MDGA2: variants seen among roughly 807,000 people sequenced by gnomAD.
MDGA2 encodes MAM domain-containing glycosylphosphatidylinositol anchor protein 2.
MDGA2 carries 40 observed loss-of-function variants against 117.8 expected under a neutral mutation model. The observed-to-expected ratio is 0.34, with a 90% confidence interval of 0.26 to 0.44. The LOEUF (loss-of-function observed/expected upper bound fraction) is 0.44. Among genes scored for constraint, MDGA2 ranks in the 20% least tolerant of loss-of-function variants. MDGA2 has a pLI of 1.00. For missense variants in MDGA2, 1,123 were observed against 1,250.6 expected, an observed-to-expected ratio of 0.90 and a Z score of 1.54; for synonymous variants, 452 against 439.0, an observed-to-expected ratio of 1.03 and a Z score of -0.37.
intron 14 of MDGA2, among the ~76,000 whole-genome samples, chr14:46,870,549 G>A (rs1181633729): frequency 1.3e-5 from 2 of 151,926 alleles, no homozygotes; most frequent in African/African-American, 4.8e-5. Flanking sequence ...GTCTGGACCA[G>A]GTATTTTTGC....
At chr14:47,260,641 A>T (rs566330753) in intron 2 of MDGA2, among the ~76,000 whole-genome samples, 2 of 152,184 alleles carry the variant, frequency 1.3e-5, no homozygotes, top group East Asian at 3.9e-4. Flanking sequence ...GAAAAAATAC[A>T]ATTTTTGTCT....
At chr14:46,953,645 A>G (rs1296317793) in intron 9 of MDGA2, among the ~76,000 whole-genome samples, 2 of 152,028 alleles carry the variant, frequency 1.3e-5, no homozygotes, top group Admixed American at 1.3e-4. Context: ...TGACTTGTCA[A>G]GAAATATTAG....
At chr14:46,975,940 T>C (rs907697382) in intron 8 of MDGA2, among the ~76,000 whole-genome samples, 9 of 152,126 alleles carry the variant, frequency 5.9e-5, no homozygotes, top group Admixed American at 3.9e-4. Flanking sequence ...TTTACAGCTC[T>C]GACCTCATGA....
intron 6 of MDGA2, among the ~76,000 whole-genome samples, chr14:47,093,478 T>C (rs1016027605): frequency 4.6e-5 from 7 of 152,202 alleles, no homozygotes; most frequent in Middle Eastern, 3.4e-3. Flanking sequence ...TTGGAAAGCA[T>C]TGAGCTCAGG....
intron 1 of MDGA2, among the ~76,000 whole-genome samples, chr14:47,400,816 G>A (rs1892125060): frequency 2.6e-5 from 1 of 38,736 alleles, no homozygotes; most frequent in Non-Finnish European, 5.1e-5. Context: ...GAGTGCAATG[G>A]CAAGATCTCG....
At chr14:47,669,316 T>G (rs991727213) in intron 1 of MDGA2, among the ~76,000 whole-genome samples, 1 of 152,204 alleles carries the variant, frequency 6.6e-6, no homozygotes, top group African/African-American at 2.4e-5. Flanking sequence ...TGGAATTACT[T>G]TTGTGACATC....
intron 1 of MDGA2, among the ~76,000 whole-genome samples, chr14:47,632,804 CCTT>C (rs1334258227): frequency 1.3e-5 from 2 of 151,734 alleles, no homozygotes; most frequent in East Asian, 3.9e-4. Flanking sequence ...ACCTCTCTCT[CCTT>C]CTGATTAACA....
intron 1 of MDGA2, among the ~76,000 whole-genome samples, chr14:47,561,141 G>GTTTGTTT (rs1555332241): frequency 1.9e-5 from 1 of 52,146 alleles, no homozygotes; most frequent in African/African-American, 5.5e-5. Context: ...CTCTATCTTT[G>GTTTGTTT]TTTTTTTTTT....
At chr14:47,380,580 A>G (rs1891596267) in intron 1 of MDGA2, among the ~76,000 whole-genome samples, 1 of 152,152 alleles carries the variant, frequency 6.6e-6, no homozygotes, top group Non-Finnish European at 1.5e-5. Context: ...AGAGAATACT[A>G]CAAACACCTC....
Position 47,448,667 on chromosome 14 carries a change from G to C in MDGA2, c.281-147117C>G, listed in dbSNP as rs181172271. On this transcript the variant is annotated intron_variant, in intron 1 of 16. Coordinates refer to ENST00000399232, the MANE Select transcript of MDGA2 (RefSeq NM_001113498.3). ...TCTTCAAAGCGCTCTTCATTTGTATGCTTTATAAAACAGTAATAGTAAATA... is the reference window on the plus strand; with the variant it reads ...TCTTCAAAGCGCTCTTCATTTGTATCCTTTATAAAACAGTAATAGTAAATA... Among the ~76,000 whole-genome samples, 3 of 152,230 alleles carry C rather than the reference G, an allele frequency of 2.0e-5. No homozygotes were observed. In the East Asian group the frequency reaches 5.8e-4, roughly 30 times the overall value.
At position 47,468,210 on chromosome 14, in the gene MDGA2, G is replaced by A. The variant is rs112326053; in HGVS notation, c.281-166660C>T. Among the ~76,000 whole-genome samples the A allele has an allele frequency of 3.9e-5, 6 of 152,054 alleles. No individual in the cohort carries two copies. In the East Asian group the frequency reaches 9.6e-4, roughly 24 times the overall value. ...CTTAGGATAGCCTCAAACCAACTTC[G>A]TGAGCCCTTTTCCAGTTATCTAAGG... On this transcript the variant is annotated intron_variant, in intron 1 of 16. Coordinates refer to ENST00000399232, the MANE Select transcript of MDGA2 (RefSeq NM_001113498.3).
intron 1 of MDGA2, among the ~76,000 whole-genome samples, chr14:47,533,398 T>C (rs1242859159): frequency 6.6e-6 from 1 of 152,202 alleles, no homozygotes; most frequent in Non-Finnish European, 1.5e-5. Context: ...AGCTGATTCT[T>C]AGTATATATG....
chr14:46,923,669 G>A (rs988855166), intron 9 of MDGA2, among the ~76,000 whole-genome samples: 6 of 135,478 alleles, frequency 4.4e-5, no homozygotes, highest in Non-Finnish European at 8.1e-5. Flanking sequence ...AGCCTACTGT[G>A]GAAAAGCTTT....
chr14:47,341,115 T>G (rs568433298), intron 1 of MDGA2, among the ~76,000 whole-genome samples: 1 of 152,322 alleles, frequency 6.6e-6, no homozygotes, highest in South Asian at 2.1e-4. Context: ...TCATCTGCTA[T>G]CTTATAATGT....
At chr14:47,644,616 G>A (rs1194842394) in intron 1 of MDGA2, among the ~76,000 whole-genome samples, 1 of 151,864 alleles carries the variant, frequency 6.6e-6, no homozygotes, top group African/African-American at 2.4e-5. Flanking sequence ...GTTAAGATAG[G>A]AGAAATAAAT....
In MDGA2 at chr14:47,643,617, C is replaced by T. The variant is rs376312749; in HGVS notation, c.280+30900G>A. Among the ~76,000 whole-genome samples, 52 of 152,234 alleles carry T rather than the reference C, an allele frequency of 3.4e-4. No individual in the cohort carries two copies. In the East Asian group the frequency reaches 6.0e-3, roughly 17 times the overall value. On this transcript the variant is annotated intron_variant, in intron 1 of 16. Transcript: ENST00000399232. Reference sequence around the variant, plus strand: ...AAAGCAAAGAGGCACCAAATGTTAACGTACCTAACAGTTCTTAATCTCTTC... The same window carrying T: ...AAAGCAAAGAGGCACCAAATGTTAATGTACCTAACAGTTCTTAATCTCTTC...
At chr14:47,411,145 T>C (rs1012562739) in intron 1 of MDGA2, among the ~76,000 whole-genome samples, 9 of 152,106 alleles carry the variant, frequency 5.9e-5, no homozygotes, top group Admixed American at 3.9e-4. Flanking sequence ...AAAAGGATGA[T>C]TTGTAGGTTG....
At chr14:47,254,362 C>A (rs886411061) in intron 2 of MDGA2, among the ~76,000 whole-genome samples, 1 of 152,130 alleles carries the variant, frequency 6.6e-6, no homozygotes, top group Non-Finnish European at 1.5e-5. Flanking sequence ...TTTCTTCCAC[C>A]AGATACCCTA....
intron 1 of MDGA2, among the ~76,000 whole-genome samples, chr14:47,546,595 T>C (rs554908249): frequency 5.3e-5 from 8 of 152,232 alleles, no homozygotes; most frequent in Non-Finnish European, 4.4e-5. Flanking sequence ...CATACAAATG[T>C]AGAAGTTTTG....
Sources: allele counts gnomAD v4.1 joint callset (sites outside exome capture counted in the v4.1 genomes callset), GRCh38; gene constraint gnomAD v4.1.1; transcripts MANE v1.5; gene names NCBI Gene and HGNC (gene_info 2026-07-23, HGNC 2026-07-21).